The following NRG3 variants were observed in gnomAD, a reference collection of about 807,000 sequenced individuals.
NRG3 encodes the protein pro-neuregulin-3, membrane-bound isoform.
Under a neutral mutation model 66.9 loss-of-function variants are expected in NRG3, and 31 were observed. The observed-to-expected ratio is 0.46, with a 90% CI of 0.35 to 0.63. NRG3 has a LOEUF of 0.63. Among genes scored for constraint, NRG3 ranks in the 20% least tolerant of loss-of-function variants. NRG3 has a pLI of 0.00. For missense variants in NRG3, 910 were observed against 878.9 expected (o/e 1.04, Z -0.45); for synonymous variants, 393 against 359.4 (o/e 1.09, Z -1.06).
At chr10:82,644,169 A>G (rs1032436153) in intron 2 of NRG3, among the ~76,000 whole-genome samples, 2 of 152,112 alleles carry the variant, frequency 1.3e-5, no homozygotes, top group African/African-American at 4.8e-5. Flanking sequence ...TGCTCCTTAT[A>G]TAAACTTCAA....
At chr10:82,058,511 T>C (rs970947248) in intron 1 of NRG3, among the ~76,000 whole-genome samples, 3 of 151,196 alleles carry the variant, frequency 2.0e-5, no homozygotes, top group Non-Finnish European at 2.9e-5. Context: ...TGCAGAATGC[T>C]TTTATGTATA....
intron 6 of NRG3, among the ~76,000 whole-genome samples, chr10:82,967,379 G>A (rs541368049): frequency 9.9e-5 from 15 of 151,734 alleles, no homozygotes; most frequent in Admixed American, 2.6e-4. Flanking sequence ...CCCTCCTCCC[G>A]TTGCTTATTT....
intron 1 of NRG3, among the ~76,000 whole-genome samples, chr10:82,238,433 G>A (rs185637648): frequency 1.3e-5 from 2 of 152,280 alleles, no homozygotes; most frequent in African/African-American, 2.4e-5. Context: ...TGGGGAAAGA[G>A]TCATACAGAA....
chr10:82,058,694 G>GT (rs1467664973), intron 1 of NRG3, among the ~76,000 whole-genome samples: 3 of 151,392 alleles, frequency 2.0e-5, no homozygotes, highest in South Asian at 2.1e-4. Context: ...AGTTTTTGGT[G>GT]TTTTTTCCTA....
At position 82,343,066 on chromosome 10, in the gene NRG3, T is replaced by C. The variant is rs1169506352; in HGVS notation, c.824-15673T>C. The stretch of plus-strand genomic sequence containing the variant: ...ATATTTTTGTTGACTTAGTCAAAGG[T>C]CAGTTCATCATAGGTATGTGGCTTT... On this transcript the variant is annotated intron_variant, in intron 1 of 8. Transcript: ENST00000372141. Among the ~76,000 whole-genome samples the C allele has an allele frequency of 2.6e-5, 4 of 152,076 alleles. 1 individual carries two copies. The highest frequency in any genetic ancestry group is 1.3e-4 in the Admixed American group (2 of 15,258).
At chr10:82,658,459 G>T (rs1044724100) in intron 2 of NRG3, among the ~76,000 whole-genome samples, 4 of 151,976 alleles carry the variant, frequency 2.6e-5, no homozygotes, top group African/African-American at 7.2e-5. Context: ...GTTAAAATTA[G>T]AAGTTTGTTC....
chr10:82,865,773 C>T (rs1840661011), intron 4 of NRG3, among the ~76,000 whole-genome samples: 1 of 152,108 alleles, frequency 6.6e-6, no homozygotes, highest in Admixed American at 6.5e-5. Context: ...ATGTAAATTG[C>T]TTAGCATAAC....
At chr10:82,524,444 G>T (rs1410997071) in intron 2 of NRG3, among the ~76,000 whole-genome samples, 1 of 151,762 alleles carries the variant, frequency 6.6e-6, no homozygotes, top group East Asian at 1.9e-4. Context: ...TAATTCACTG[G>T]GGTATCAAAT....
At position 82,836,688 on chromosome 10, in the gene NRG3, C is replaced by T. The variant is rs937439226; in HGVS notation, c.1028-28723C>T. ...GTGTAGGTTATATGCAAATACTGTG[C>T]CATTTTCTTTTTTTATTTTATTTTA... On this transcript the variant is annotated intron_variant, in intron 3 of 8. Coordinates refer to ENST00000372141, the MANE Select transcript of NRG3 (RefSeq NM_001010848.4). Among the ~76,000 whole-genome samples the T allele has an allele frequency of 2.7e-5, 4 of 150,020 alleles. No individual in the cohort carries two copies. In the South Asian group the frequency reaches 6.4e-4, roughly 24 times the overall value.
At chr10:82,282,280 T>C (rs1307657100) in intron 1 of NRG3, among the ~76,000 whole-genome samples, 1 of 150,100 alleles carries the variant, frequency 6.7e-6, no homozygotes, top group African/African-American at 2.5e-5. Context: ...ATTTATTTAT[T>C]TATTTATTTA....
chr10:82,556,950 G>A (rs987422719), intron 2 of NRG3, among the ~76,000 whole-genome samples: 1 of 152,128 alleles, frequency 6.6e-6, no homozygotes, highest in Non-Finnish European at 1.5e-5. Context: ...CTCCATCCAT[G>A]TTCCCACAAA....
intron 1 of NRG3, among the ~76,000 whole-genome samples, chr10:82,132,492 G>GATATATATGATATATAT (rs1564593499): frequency 2.7e-5 from 1 of 36,950 alleles, no homozygotes; most frequent in Non-Finnish European, 6.8e-5. Flanking sequence ...ATATATATAT[G>GATATATATGATATATAT]ATATATATAT....
intron 4 of NRG3, among the ~76,000 whole-genome samples, chr10:82,946,535 C>T (rs1849039757): frequency 6.7e-6 from 1 of 149,890 alleles, no homozygotes; most frequent in Non-Finnish European, 1.5e-5. Flanking sequence ...AGGACTCTGC[C>T]TCAAAAAAAA....
intron 2 of NRG3, among the ~76,000 whole-genome samples, chr10:82,489,089 G>A (rs11194673): frequency 0.52 from 79,760 of 152,000 alleles, 24,844 homozygotes; most frequent in South Asian, 0.75. Context: ...GACTAGTATT[G>A]TAAACCACAT....
intron 1 of NRG3, among the ~76,000 whole-genome samples, chr10:82,293,116 C>G (rs1359672141): frequency 1.3e-5 from 2 of 152,184 alleles, no homozygotes; most frequent in East Asian, 3.9e-4. Flanking sequence ...TGTGGGAGTG[C>G]TCTCTTGATT....
At chr10:82,071,513 A>G (rs1254595667) in intron 1 of NRG3, among the ~76,000 whole-genome samples, 3 of 152,074 alleles carry the variant, frequency 2.0e-5, no homozygotes, top group African/African-American at 4.8e-5. Flanking sequence ...TTGAGGGGAG[A>G]GCATGCTGGA....
chr10:82,123,172 C>G (rs1051317911), intron 1 of NRG3, among the ~76,000 whole-genome samples: 3 of 152,068 alleles, frequency 2.0e-5, no homozygotes, highest in African/African-American at 7.2e-5. Context: ...TACCTGTTAC[C>G]TTTAAACATG....
chr10:82,605,175 A>G (rs1473375144), intron 2 of NRG3, among the ~76,000 whole-genome samples: 1 of 151,938 alleles, frequency 6.6e-6, no homozygotes, highest in Non-Finnish European at 1.5e-5. Context: ...TAGCTATAGG[A>G]TTTTTTTGTA....
intron 2 of NRG3, among the ~76,000 whole-genome samples, chr10:82,387,047 G>A (rs563446809): frequency 2.0e-4 from 30 of 152,274 alleles, no homozygotes; most frequent in Admixed American, 1.6e-3. Context: ...TGATCTGCCC[G>A]CCTTGGCCTC....
Sources: gnomAD v4.1 joint callset for allele counts (sites outside exome capture counted in the v4.1 genomes callset) on GRCh38, gnomAD v4.1.1 for gene constraint, MANE v1.5 for transcripts, NCBI Gene and HGNC (gene_info 2026-07-23, HGNC 2026-07-21) for gene names.